SYNPO2: variants seen among roughly 807,000 people sequenced by gnomAD.
The protein encoded by SYNPO2 is synaptopodin-2.
Under a neutral mutation model 85.0 loss-of-function variants are expected in SYNPO2, and 56 were observed. The ratio of observed to expected loss-of-function variants is 0.66; its 90% CI spans 0.53 to 0.82. The LOEUF is 0.82. Among genes scored for constraint, SYNPO2 ranks in the 40% least tolerant of loss-of-function variants. SYNPO2 has a pLI of 0.00. For synonymous variants in SYNPO2, 602 were observed against 591.1 expected (o/e 1.02, Z -0.27); for missense variants, 1,575 against 1,534.2 (o/e 1.03, Z -0.44).
At chr4:118,885,435 A>T (rs1732180763), upstream of SYNPO2, among the ~76,000 whole-genome samples, 1 of 150,654 alleles carries the variant, frequency 6.6e-6, no homozygotes, top group African/African-American at 2.4e-5. Flanking sequence ...GAAGGAGCAG[A>T]TTTCCAAACT....
At chr4:118,879,147 C>T (rs953919784) in intron 1 of SYNPO2, among the ~76,000 whole-genome samples, 1 of 152,072 alleles carries the variant, frequency 6.6e-6, no homozygotes, top group East Asian at 1.9e-4. Flanking sequence ...ACTCCCGACA[C>T]ATCTGAACAT....
chr4:118,884,234 T>C (rs1236939772), upstream of SYNPO2, among the ~76,000 whole-genome samples: 1 of 152,232 alleles, frequency 6.6e-6, no homozygotes, highest in Admixed American at 6.5e-5. Flanking sequence ...GGACGTTGCA[T>C]TCTGGCATAC....
intron 1 of SYNPO2, among the ~76,000 whole-genome samples, chr4:118,964,297 A>AAC (rs10523074): frequency 0.028 from 3,883 of 140,628 alleles, 79 homozygotes; most frequent in African/African-American, 0.058. Context: ...AAACACACAC[A>AAC]ACACACACAC....
chr4:118,939,168 A>G (rs1191352579), intron 1 of SYNPO2, among the ~76,000 whole-genome samples: 3 of 152,256 alleles, frequency 2.0e-5, no homozygotes, highest in Non-Finnish European at 4.4e-5. Flanking sequence ...TTGTGTGTGC[A>G]CAGTTGGTTT....
intron 1 of SYNPO2, among the ~76,000 whole-genome samples, chr4:118,851,701 T>C (rs1156246667): frequency 6.6e-6 from 1 of 152,188 alleles, no homozygotes; most frequent in Non-Finnish European, 1.5e-5. Flanking sequence ...AACAGAAAAA[T>C]GTAGTGAGAA....
At chr4:118,869,347 A>AGTG (rs1383422963) in intron 1 of SYNPO2, among the ~76,000 whole-genome samples, 1 of 152,162 alleles carries the variant, frequency 6.6e-6, no homozygotes, top group Non-Finnish European at 1.5e-5. Flanking sequence ...CACTGCACCC[A>AGTG]GCCTAAGAAA....
intron 1 of SYNPO2, among the ~76,000 whole-genome samples, chr4:118,957,780 T>C (rs1008231329): frequency 3.9e-5 from 6 of 152,180 alleles, no homozygotes; most frequent in Non-Finnish European, 7.3e-5. Context: ...AACCTGTAAA[T>C]GACTCAGCGT....
At chr4:118,876,667 CTCTTTCTTTCTTTCTTTCTTTCTT>C (rs58409340) in intron 1 of SYNPO2, among the ~76,000 whole-genome samples, 4,364 of 112,124 alleles carry the variant, frequency 0.039, 105 homozygotes, top group African/African-American at 0.049. Context: ...TCCTTCCTTT[CTCTTTCTTTCTTTCTTTCTTTCTT>C]TCTTTCTTTC....
chr4:118,854,419 A>G (rs1731472501), intron 1 of SYNPO2, among the ~76,000 whole-genome samples: 1 of 152,230 alleles, frequency 6.6e-6, no homozygotes, highest in Non-Finnish European at 1.5e-5. Context: ...ATTTTATAGC[A>G]ACATATTAGA....
Position 119,023,664 on chromosome 4 carries a change from C to A in SYNPO2, c.257+83C>A, listed in dbSNP as rs1205994757. ...AGCTTTTACTACATATATAACTTGT[C>A]ATTTATGGAGAAATTAGGGGTGCTT... is the stretch of plus-strand genomic sequence containing the variant. On this transcript the variant is annotated intron_variant, in intron 2 of 4. Transcript: ENST00000307142. The A allele has an allele frequency of 1.7e-5, 23 of 1,393,794 alleles. No homozygotes were observed. In the Middle Eastern group the frequency reaches 7.7e-4, roughly 46 times the overall value. The allele number at this position is 1,393,794 out of a possible 1,614,324, so 86.3% of individuals were successfully genotyped here.
intron 1 of SYNPO2, among the ~76,000 whole-genome samples, chr4:118,925,410 T>G (rs1733679056): frequency 6.6e-6 from 1 of 152,114 alleles, no homozygotes; most frequent in Non-Finnish European, 1.5e-5. Flanking sequence ...ATTTTTTTTT[T>G]CTACCTCCAA....
chr4:118,904,732 T>G (rs1732876421), intron 1 of SYNPO2, among the ~76,000 whole-genome samples: 1 of 152,038 alleles, frequency 6.6e-6, no homozygotes, highest in African/African-American at 2.4e-5. Flanking sequence ...CTCCTTGGAG[T>G]TTTTAGCTTT....
At chr4:118,961,779 A>G (rs1735106124) in intron 1 of SYNPO2, among the ~76,000 whole-genome samples, 1 of 152,226 alleles carries the variant, frequency 6.6e-6, no homozygotes, top group Non-Finnish European at 1.5e-5. Context: ...ACAAATGTAA[A>G]ACAATAGAAG....
Position 119,027,414 on chromosome 4 carries a change from C to G in SYNPO2, c.1045C>G (p.His349Asp). 1 of 1,603,762 alleles carries G rather than the reference C, an allele frequency of 6.2e-7. No homozygotes were observed. Among genetic ancestry groups the G allele is most frequent in the Non-Finnish European group, 8.5e-7 (1 of 1,172,844 alleles). ...PRSEKDHSRP[H>D]KHRARHARLR... ...CTCGGAAAAAGATCACAGCAGACCTCACAAGCACCGAGCGCGGCATGCACG... is the reference window on the plus strand; with the variant it reads ...CTCGGAAAAAGATCACAGCAGACCTGACAAGCACCGAGCGCGGCATGCACG... Residue 349 changes from histidine to aspartate, a missense_variant, in exon 3 of 5, where the codon CAC becomes GAC. Around this residue, in one of 3 missense-constraint regions of SYNPO2, gnomAD observed 1,508 missense variants for 1,446.8 expected, o/e 1.04. Transcript: ENST00000307142.
At chr4:119,020,067 A>C (rs918627306) in intron 1 of SYNPO2, among the ~76,000 whole-genome samples, 8 of 152,158 alleles carry the variant, frequency 5.3e-5, no homozygotes, top group African/African-American at 1.7e-4. Flanking sequence ...ATAGAAGGTA[A>C]GGATCTTAGG....
intron 1 of SYNPO2, among the ~76,000 whole-genome samples, chr4:118,933,773 T>A (rs555222266): frequency 6.7e-6 from 1 of 149,136 alleles, no homozygotes; most frequent in East Asian, 2.0e-4. Flanking sequence ...GTTCACGAGG[T>A]CATTAACACT....
chr4:119,004,770 T>A (rs1736964991), intron 1 of SYNPO2, among the ~76,000 whole-genome samples: 1 of 151,844 alleles, frequency 6.6e-6, no homozygotes, highest in Non-Finnish European at 1.5e-5. Context: ...TCAGATGGTA[T>A]TTCTAGTTCT....
At chr4:118,930,776 C>T (rs1733905063) in intron 1 of SYNPO2, among the ~76,000 whole-genome samples, 1 of 149,378 alleles carries the variant, frequency 6.7e-6, no homozygotes, top group African/African-American at 2.5e-5. Flanking sequence ...AAAAATTAGC[C>T]AGGCATTGTG....
intron 1 of SYNPO2, chr4:118,851,064 T>A: frequency 2.5e-6 from 1 of 397,612 alleles, no homozygotes; most frequent in Non-Finnish European, 4.4e-6. Context: ...ATACCTTTCA[T>A]CTTTTCAAAA....
Sources: gnomAD v4.1 joint callset for allele counts (sites outside exome capture counted in the v4.1 genomes callset) on GRCh38, gnomAD v4.1.1 for gene constraint, gnomAD v4.1.1 regional missense constraint, MANE v1.5 for transcripts, NCBI Gene and HGNC (gene_info 2026-07-23, HGNC 2026-07-21) for gene names.